NLGN1: variants seen among roughly 807,000 people sequenced by gnomAD.
NLGN1 encodes neuroligin-1.
A neutral mutation model predicts 65.5 loss-of-function variants in NLGN1; 12 were observed. The observed-to-expected ratio is 0.18, with a 90% CI of 0.12 to 0.30. NLGN1 has a LOEUF of 0.30. Among genes scored for constraint, NLGN1 ranks in the 10% least tolerant of loss-of-function variants. The probability of loss-of-function intolerance (pLI) is 1.00; values close to 1 mark genes in which losing one functional copy is unlikely to be tolerated. For synonymous variants in NLGN1, 350 were observed against 359.5 expected (o/e 0.97, Z 0.30); for missense variants, 750 against 1,007.1 (o/e 0.74, Z 3.46).
At position 173,539,498 on chromosome 3, in the gene NLGN1, T is replaced by C. The variant is rs192966696; in HGVS notation, c.-320-64781T>C. On this transcript the variant is annotated intron_variant, in intron 2 of 6. Coordinates refer to ENST00000457714, the Ensembl canonical transcript of NLGN1. ...ACGCATATGCATGTATATGTATGTATATGTATATGTATGTACATGTATATG... is the reference window on the plus strand; with the variant it reads ...ACGCATATGCATGTATATGTATGTACATGTATATGTATGTACATGTATATG... Among the ~76,000 whole-genome samples the C allele has an allele frequency of 4.4e-3, 634 of 144,306 alleles. 1 individual carries two copies. Among genetic ancestry groups the C allele is most frequent in the Non-Finnish European group, 7.0e-3 (468 of 66,552 alleles). The allele number at this position is 144,306 out of a possible 152,430, so 94.7% of individuals were successfully genotyped here. A position where few individuals can be genotyped will look rare whatever the true frequency, so the allele number is the denominator to read the frequency against.
At chr3:174,036,445 C>G (rs1731139867) in intron 4 of NLGN1, among the ~76,000 whole-genome samples, 1 of 152,084 alleles carries the variant, frequency 6.6e-6, no homozygotes, top group Non-Finnish European at 1.5e-5. Flanking sequence ...TAGTGTAATT[C>G]TAACTCTATT....
intron 3 of NLGN1, among the ~76,000 whole-genome samples, chr3:173,702,099 C>A (rs887367966): frequency 3.5e-4 from 53 of 150,394 alleles, no homozygotes; most frequent in African/African-American, 1.2e-3. Flanking sequence ...ATTAGCTGGG[C>A]GTAGTGGCGG....
chr3:174,249,831 G>A (rs572337365), intron 4 of NLGN1, among the ~76,000 whole-genome samples: 1 of 152,186 alleles, frequency 6.6e-6, no homozygotes, highest in East Asian at 1.9e-4. Context: ...CTTTGATTGT[G>A]CCTTTGTATT....
intron 4 of NLGN1, among the ~76,000 whole-genome samples, chr3:173,812,730 G>A (rs4894629): frequency 0.11 from 14,483 of 137,834 alleles, 732 homozygotes; most frequent in Middle Eastern, 0.13. Flanking sequence ...GTATATACAC[G>A]CACACACATA....
chr3:174,218,302 T>A (rs1738010930), intron 4 of NLGN1, among the ~76,000 whole-genome samples: 2 of 152,000 alleles, frequency 1.3e-5, no homozygotes, highest in Non-Finnish European at 2.9e-5. Flanking sequence ...ACAATAAAAA[T>A]GTTCCCAGTA....
At chr3:173,663,952 C>A (rs1761334133) in intron 3 of NLGN1, among the ~76,000 whole-genome samples, 2 of 151,366 alleles carry the variant, frequency 1.3e-5, no homozygotes, top group Non-Finnish European at 2.9e-5. Context: ...TACAGAAGTA[C>A]TTCTTAGGTG....
intron 4 of NLGN1, among the ~76,000 whole-genome samples, chr3:174,111,006 A>G (rs1715099849): frequency 1.3e-5 from 2 of 151,994 alleles, no homozygotes; most frequent in Non-Finnish European, 2.9e-5. Context: ...GTCCTTATAC[A>G]CACTTGGGCA....
intron 2 of NLGN1, among the ~76,000 whole-genome samples, chr3:173,543,834 G>A (rs1239291321): frequency 6.6e-6 from 1 of 152,130 alleles, no homozygotes; most frequent in Non-Finnish European, 1.5e-5. Context: ...GACAAGTACA[G>A]AGAGAATTGT....
exon 7 of NLGN1, chr3:174,284,389 G>A (rs1457281323): frequency 3.3e-5 from 5 of 151,278 alleles, no homozygotes; most frequent in African/African-American, 9.7e-5. Context: ...TAGCAAATAT[G>A]TTTAAAATGT....
At chr3:173,421,150 G>T (rs139832089) in intron 1 of NLGN1, among the ~76,000 whole-genome samples, 80 of 152,020 alleles carry the variant, frequency 5.3e-4, no homozygotes, top group African/African-American at 1.6e-3. Context: ...TCAGAATCAG[G>T]ACTCTAGTCT....
At chr3:173,496,016 A>G (rs1038157267) in intron 2 of NLGN1, among the ~76,000 whole-genome samples, 2 of 151,014 alleles carry the variant, frequency 1.3e-5, no homozygotes, top group African/African-American at 4.9e-5. Flanking sequence ...TTTTTTTTAT[A>G]TTGCTAATTT....
At chr3:174,022,412 C>A (rs970540827) in intron 4 of NLGN1, among the ~76,000 whole-genome samples, 1 of 152,042 alleles carries the variant, frequency 6.6e-6, no homozygotes, top group African/African-American at 2.4e-5. Context: ...GCCAAGACAG[C>A]ATTTATGGAA....
At chr3:173,963,225 C>T (rs1051840085) in intron 4 of NLGN1, among the ~76,000 whole-genome samples, 26 of 151,942 alleles carry the variant, frequency 1.7e-4, no homozygotes, top group East Asian at 9.6e-4. Context: ...AAGCAATGGG[C>T]GCCAGGGGGT....
chr3:173,918,658 ATATGTGTG>A (rs1273254270), intron 4 of NLGN1, among the ~76,000 whole-genome samples: 3 of 84,600 alleles, frequency 3.5e-5, no homozygotes, highest in Non-Finnish European at 6.8e-5. Context: ...AAAGAAATAC[ATATGTGTG>A]TGTGTGTGTG....
chr3:174,154,438 G>T (rs995308233), intron 4 of NLGN1, among the ~76,000 whole-genome samples: 1 of 151,806 alleles, frequency 6.6e-6, no homozygotes, highest in Non-Finnish European at 1.5e-5. Flanking sequence ...TAAGTGATTT[G>T]GTCCTTTCTA....
At chr3:173,795,187 G>A (rs1713769661) in intron 3 of NLGN1, among the ~76,000 whole-genome samples, 1 of 151,980 alleles carries the variant, frequency 6.6e-6, no homozygotes, top group South Asian at 2.1e-4. Flanking sequence ...TGTCATGAAT[G>A]ACAGAGCACC....
At chr3:173,766,180 C>T (rs894497030) in intron 3 of NLGN1, among the ~76,000 whole-genome samples, 1 of 151,682 alleles carries the variant, frequency 6.6e-6, no homozygotes, top group African/African-American at 2.4e-5. Flanking sequence ...CCTCTGCCTC[C>T]CAGGTTCAAG....
chr3:173,878,359 A>G (rs1732545712), intron 4 of NLGN1, among the ~76,000 whole-genome samples: 1 of 152,076 alleles, frequency 6.6e-6, no homozygotes, highest in Non-Finnish European at 1.5e-5. Flanking sequence ...AACATATAAT[A>G]TTGTTTTGCA....
At chr3:174,131,137 A>G (rs534967284) in intron 4 of NLGN1, among the ~76,000 whole-genome samples, 28 of 152,288 alleles carry the variant, frequency 1.8e-4, no homozygotes, top group African/African-American at 6.7e-4. Flanking sequence ...TTAATTCCTC[A>G]TGCAGATACT....
Sources: gnomAD v4.1 joint callset for allele counts (sites outside exome capture counted in the v4.1 genomes callset) on GRCh38, gnomAD v4.1.1 for gene constraint, MANE v1.5 for transcripts, NCBI Gene and HGNC (gene_info 2026-07-23, HGNC 2026-07-21) for gene names.